The following HMOX2 variants were observed in gnomAD, a reference collection of about 807,000 sequenced individuals.
HMOX2 encodes heme oxygenase 2.
Under a neutral mutation model 33.7 loss-of-function variants are expected in HMOX2, and 30 were observed. The observed-to-expected ratio is 0.89, with a 90% CI of 0.67 to 1.21. The LOEUF is 1.21. Ranked by LOEUF, HMOX2 falls within the 50% of genes most tolerant of loss-of-function variation. The probability of loss-of-function intolerance (pLI) is 0.00; values close to 1 mark genes in which losing one functional copy is unlikely to be tolerated. For synonymous variants in HMOX2, 155 were observed against 155.0 expected (o/e 1.00, Z 0.00); for missense variants, 403 against 399.1 (o/e 1.01, Z -0.08).
At chr16:4,477,599 A>T (rs554215948) in intron 1 of HMOX2, among the ~76,000 whole-genome samples, 3 of 152,020 alleles carry the variant, frequency 2.0e-5, no homozygotes, top group African/African-American at 7.2e-5. Flanking sequence ...TGGCGCTACA[A>T]ACCAGACAAG....
intron 2 of HMOX2, among the ~76,000 whole-genome samples, chr16:4,505,923 G>A (rs72563740): frequency 1.7e-3 from 265 of 152,242 alleles, no homozygotes; most frequent in African/African-American, 6.1e-3. Flanking sequence ...AAGGGTAAAC[G>A]CAGGCAAAGC....
At chr16:4,491,461 G>A (rs2058303629) in intron 1 of HMOX2, among the ~76,000 whole-genome samples, 1 of 151,918 alleles carries the variant, frequency 6.6e-6, no homozygotes, top group African/African-American at 2.4e-5. Context: ...ACTCGCCTGG[G>A]CAACATGGTG....
At chr16:4,509,569 G>A in intron 5 of HMOX2, 31 bp downstream of exon 5, 1 of 1,614,090 alleles carries the variant, frequency 6.2e-7, no homozygotes, top group Non-Finnish European at 8.5e-7. Flanking sequence ...CTCCCCTCCT[G>A]GGGCAGGTGT....
At chr16:4,502,763 G>T (rs2058589329) in intron 1 of HMOX2, 1 of 152,262 alleles carries the variant, frequency 6.6e-6, no homozygotes, top group African/African-American at 2.4e-5. Flanking sequence ...TTGTCGGCCA[G>T]GCTGGAGTGC....
At position 4,509,543 on chromosome 16, in the gene HMOX2, G is replaced by C. The variant is rs758223770; in HGVS notation, c.823+5G>C. On this transcript the variant is annotated splice_donor_5th_base_variant and intron_variant, in intron 5 of 5. Transcript: ENST00000570646. ...ACGCTGCTGAACAAGACAAAGGTAGGTCTGTGTGTCCTGAGCTCCCCTCCT... is the reference window on the plus strand; with the variant it reads ...ACGCTGCTGAACAAGACAAAGGTAGCTCTGTGTGTCCTGAGCTCCCCTCCT... 1.2e-6 allele frequency: 2 copies of C among 1,614,160 alleles called. No individual in the cohort carries two copies. Among genetic ancestry groups the C allele is most frequent in the South Asian group, 2.2e-5 (2 of 91,086 alleles).
intron 1 of HMOX2, among the ~76,000 whole-genome samples, chr16:4,483,110 C>G (rs955066484): frequency 6.6e-5 from 10 of 151,714 alleles, no homozygotes; most frequent in African/African-American, 2.4e-4. Context: ...CTTCTACGCC[C>G]TCTCTGGAAC....
At chr16:4,496,883 C>A (rs573644169) in intron 1 of HMOX2, 1 of 149,864 alleles carries the variant, frequency 6.7e-6, no homozygotes, top group East Asian at 2.0e-4. Context: ...TTTGTAGAGA[C>A]GGGGGGTCTC....
At chr16:4,482,641 C>T (rs576096831) in intron 1 of HMOX2, among the ~76,000 whole-genome samples, 1 of 152,274 alleles carries the variant, frequency 6.6e-6, no homozygotes, top group East Asian at 1.9e-4. Flanking sequence ...TCTGACAATC[C>T]CTCCTCGAGT....
rs898123891 is a variant in HMOX2 at position 4,506,892 on chromosome 16, C to T, written c.87-3C>T. ...CACACAAACACCTCCCATCTCTCCA[C>T]AGAATGGCTGACCTCTCGGAGCTCC... On this transcript the variant is annotated splice_polypyrimidine_tract_variant and splice_region_variant and intron_variant, in intron 2 of 5. Coordinates refer to ENST00000570646, the MANE Select transcript of HMOX2 (RefSeq NM_002134.4). The T allele has an allele frequency of 1.2e-6, 2 of 1,607,628 alleles. No homozygotes were observed. Among genetic ancestry groups the T allele is most frequent in the Non-Finnish European group, 1.7e-6 (2 of 1,174,124 alleles).
Position 4,509,882 on chromosome 16 carries a change from CAAT to C in HMOX2, c.*129_*131del. The C allele has an allele frequency of 5.7e-6, 6 of 1,052,360 alleles. No homozygotes were observed. Among genetic ancestry groups the C allele is most frequent in the Non-Finnish European group, 6.8e-6 (5 of 737,266 alleles). The allele number at this position is 1,052,360 out of a possible 1,614,324, so 65.2% of individuals were successfully genotyped here. On this transcript the variant is annotated 3_prime_UTR_variant, in exon 6 of 6. Coordinates refer to ENST00000570646, the MANE Select transcript of HMOX2 (RefSeq NM_002134.4). The stretch of plus-strand genomic sequence containing the variant: ...AAATGCTGGGTTTAAGAAAGGCAAC[CAAT>C]AAAAGCCAGATGCTAGAGCCTCTGC...
chr16:4,504,760 G>A lies in HMOX2; in HGVS notation c.-41-724G>A, dbSNP rs17884609. On this transcript the variant is annotated intron_variant, in intron 1 of 5. Coordinates refer to ENST00000570646, the MANE Select transcript of HMOX2 (RefSeq NM_002134.4). ...GCTGGAGTGCAACGGCGTGATCTCGGCTCACTGCAACCTCTGCCTCCTGGG... is the reference window on the plus strand; with the variant it reads ...GCTGGAGTGCAACGGCGTGATCTCGACTCACTGCAACCTCTGCCTCCTGGG... 5.1e-3 allele frequency among the ~76,000 whole-genome samples: 745 copies of A among 144,786 alleles called. 6 individuals carry two copies. Among genetic ancestry groups the A allele is most frequent in the African/African-American group, 0.017 (663 of 38,580 alleles). The allele number at this position is 144,786 out of a possible 152,430, so 95.0% of individuals were successfully genotyped here. A position where few individuals can be genotyped will look rare whatever the true frequency, so the allele number is the denominator to read the frequency against.
chr16:4,490,884 A>G (rs9929475), intron 1 of HMOX2, among the ~76,000 whole-genome samples: 86,022 of 152,024 alleles, frequency 0.57, 26,749 homozygotes, highest in Non-Finnish European at 0.7. Flanking sequence ...TGCTGTTGAC[A>G]TTTTGGGCTA....
Position 4,508,144 on chromosome 16 carries a change from C to T in HMOX2, c.636C>T (p.Asn212=), listed in dbSNP as rs369627803. The T allele has an allele frequency of 9.3e-6, 15 of 1,613,996 alleles. No homozygotes were observed. The highest frequency in any genetic ancestry group is 1.7e-4 in the Middle Eastern group (1 of 6,060). ...CCAGGATGAACGCCCTGGACCTGAA[C>T]ATGAAGACCAAAGAGAGGATCGTGG... The part of the protein sequence containing the change: ...YRARMNALDL[N]MKTKERIVEE... Residue 212 remains asparagine, a synonymous_variant, in exon 4 of 6, where the codon AAC becomes AAT. Transcript: ENST00000570646.
Position 4,506,990 on chromosome 16 carries a change from A to C in HMOX2, c.182A>C (p.Asn61Thr). The change falls in exon 3 of 6, where the codon AAC becomes ACC. Residue 61 changes from asparagine (N) to threonine (T), a missense_variant. Asn to Thr is a moderately conservative substitution (Grantham distance 65, BLOSUM62 0). Coordinates refer to ENST00000570646, the MANE Select transcript of HMOX2 (RefSeq NM_002134.4). ...TTTGTCAAGGACTTCTTGAAAGGCA[A>C]CATTAAGAAGGAGCTGTTTAAGGTT... ...TQFVKDFLKG[N>T]IKKELFKLAT... is the part of the protein sequence containing the mutation. 3 of 1,611,106 alleles carry C rather than the reference A, an allele frequency of 1.9e-6. No individual in the cohort carries two copies. The highest frequency in any genetic ancestry group is 1.7e-4 in the Middle Eastern group (1 of 6,056).
rs1369028969 is a variant in HMOX2, at chr16:4,510,287, T to TATC, written c.*532_*534dup. 5 of 162,366 alleles carry TATC rather than the reference T, an allele frequency of 3.1e-5. No homozygotes were observed. Among genetic ancestry groups the TATC allele is most frequent in the Non-Finnish European group, 6.7e-5 (5 of 74,498 alleles). 10.1% of individuals were successfully genotyped at this position (162,366 alleles called of 1,614,324 possible). On this transcript the variant is annotated 3_prime_UTR_variant, in exon 6 of 6. Coordinates refer to ENST00000570646, the MANE Select transcript of HMOX2 (RefSeq NM_002134.4). ...GGGTGCGGTTTGCTCAGCCCCAGCT[T>TATC]ATCTCCTCCTCCGCGCTGTGTAAAT...
chr16:4,478,124 AG>A (rs2057919547), intron 1 of HMOX2, among the ~76,000 whole-genome samples: 1 of 152,200 alleles, frequency 6.6e-6, no homozygotes, highest in Admixed American at 6.5e-5. Flanking sequence ...GGATGTGAAG[AG>A]GGAAATCCTG....
At chr16:4,479,726 A>ATTTTTTTTTT (rs58936845) in intron 1 of HMOX2, among the ~76,000 whole-genome samples, 3 of 79,852 alleles carry the variant, frequency 3.8e-5, no homozygotes, top group Non-Finnish European at 4.7e-5. Flanking sequence ...TTCTTATTCT[A>ATTTTTTTTTT]TTTTTTTTTT....
At chr16:4,485,185 C>G (rs761008741) in intron 1 of HMOX2, among the ~76,000 whole-genome samples, 3 of 152,102 alleles carry the variant, frequency 2.0e-5, no homozygotes, top group Non-Finnish European at 2.9e-5. Context: ...AGGCTGATCT[C>G]GAACTCCTGA....
intron 1 of HMOX2, among the ~76,000 whole-genome samples, chr16:4,503,314 C>T (rs925281475): frequency 6.6e-6 from 1 of 152,110 alleles, no homozygotes; most frequent in African/African-American, 2.4e-5. Flanking sequence ...GATCTGGAGG[C>T]CCTCCCCCAG....
Sources: gnomAD v4.1 joint callset for allele counts (sites outside exome capture counted in the v4.1 genomes callset) on GRCh38, gnomAD v4.1.1 for gene constraint, MANE v1.5 for transcripts, NCBI Gene and HGNC (gene_info 2026-07-23, HGNC 2026-07-21) for gene names.